The following GRAMD1C variants were observed in gnomAD, a reference collection of about 807,000 sequenced individuals.
GRAMD1C encodes the protein GRAM domain containing 1C, also known as protein Aster-C.
In GRAMD1C, 89 loss-of-function variants were observed where a neutral mutation model predicts 97.8. The ratio of observed to expected loss-of-function variants is 0.91; its 90% CI spans 0.77 to 1.09. The LOEUF (loss-of-function observed/expected upper bound fraction) is 1.09, where lower values mean the gene tolerates loss of function less well. GRAMD1C is among the 50% of genes least tolerant of loss of function. GRAMD1C has a pLI of 0.00. For missense variants in GRAMD1C, 740 were observed against 766.4 expected, an observed-to-expected ratio of 0.97 and a Z score of 0.41; for synonymous variants, 256 against 267.0, an observed-to-expected ratio of 0.96 and a Z score of 0.40.
At chr3:113,921,768 GTGTC>G (rs1937065403) in intron 10 of GRAMD1C, among the ~76,000 whole-genome samples, 1 of 152,134 alleles carries the variant, frequency 6.6e-6, no homozygotes, top group South Asian at 2.1e-4. Context: ...CTTTTGAAAA[GTGTC>G]TGTTTATATC....
intron 6 of GRAMD1C, chr3:113,897,865 G>A: frequency 4.9e-6 from 2 of 406,010 alleles, no homozygotes; most frequent in Non-Finnish European, 6.7e-6. Context: ...GACTACTAAG[G>A]TAGATTATTT....
chr3:113,857,226 G>A lies in GRAMD1C; in HGVS notation c.175-12281G>A, dbSNP rs367705739. 5.9e-5 allele frequency among the ~76,000 whole-genome samples: 9 copies of A among 152,136 alleles called. No individual in the cohort carries two copies. In the South Asian group the frequency reaches 6.2e-4, roughly 11 times the overall value. On this transcript the variant is annotated intron_variant, in intron 2 of 17. Coordinates refer to ENST00000358160, the MANE Select transcript of GRAMD1C (RefSeq NM_017577.5). ...AGTTGCACTGGCTGAAACTTCCAAC[G>A]CTATGTTGAATAAGAACGGTGAGAG...
intron 17 of GRAMD1C, among the ~76,000 whole-genome samples, chr3:113,942,277 T>A (rs1405476927): frequency 1.3e-5 from 2 of 152,126 alleles, no homozygotes; most frequent in Non-Finnish European, 2.9e-5. Flanking sequence ...TTACTGATAG[T>A]TAACATTTTT....
chr3:113,841,285 C>CT lies in GRAMD1C; in HGVS notation c.27+2365dup, dbSNP rs772233296. On this transcript the variant is annotated intron_variant, in intron 1 of 17. Transcript: ENST00000358160. Reference sequence around the variant, plus strand: ...TCACAAAGTACTTCTTTCTTTCTTTCTTTTTTTTTTTTTTTTGCGAGACAG... The same window carrying CT: ...TCACAAAGTACTTCTTTCTTTCTTTCTTTTTTTTTTTTTTTTTGCGAGACAG... Among the ~76,000 whole-genome samples the CT allele has an allele frequency of 1.8e-4, 17 of 94,342 alleles. 2 individuals carry two copies. Among genetic ancestry groups the CT allele is most frequent in the African/African-American group, 5.4e-4 (14 of 25,866 alleles). 61.9% of individuals were successfully genotyped at this position (94,342 alleles called of 152,430 possible). A position where few individuals can be genotyped will look rare whatever the true frequency, so the allele number is the denominator to read the frequency against.
intron 1 of GRAMD1C, among the ~76,000 whole-genome samples, chr3:113,839,842 C>T (rs1709732258): frequency 1.3e-5 from 2 of 152,128 alleles, no homozygotes; most frequent in African/African-American, 4.8e-5. Flanking sequence ...ATTGACTTTG[C>T]TAAGGACCAC....
At chr3:113,920,332 C>T in intron 10 of GRAMD1C, 1 of 369,668 alleles carries the variant, frequency 2.7e-6, no homozygotes, top group Middle Eastern at 6.9e-4. Flanking sequence ...CTTCCTTTAT[C>T]TTACAGTGCT....
chr3:113,891,270 G>A (rs912214209), intron 6 of GRAMD1C, among the ~76,000 whole-genome samples: 9 of 152,130 alleles, frequency 5.9e-5, no homozygotes, highest in African/African-American at 2.2e-4. Flanking sequence ...GGAATTTTAA[G>A]CACTGTAGAA....
chr3:113,847,229 C>T (rs1933651082), intron 2 of GRAMD1C, among the ~76,000 whole-genome samples: 1 of 152,134 alleles, frequency 6.6e-6, no homozygotes, highest in African/African-American at 2.4e-5. Context: ...TTACTGATAT[C>T]TCTTATTCTC....
At chr3:113,893,055 A>T (rs1935799404) in intron 6 of GRAMD1C, among the ~76,000 whole-genome samples, 1 of 152,182 alleles carries the variant, frequency 6.6e-6, no homozygotes, top group African/African-American at 2.4e-5. Flanking sequence ...AGCCATGCTC[A>T]TTTGTTTATG....
intron 1 of GRAMD1C, among the ~76,000 whole-genome samples, chr3:113,830,931 C>G (rs941321322): frequency 1.3e-5 from 2 of 152,156 alleles, no homozygotes; most frequent in African/African-American, 4.8e-5. Context: ...CCCATCTCTA[C>G]TAAAAATACA....
chr3:113,859,261 G>C (rs1934275298), intron 2 of GRAMD1C, among the ~76,000 whole-genome samples: 1 of 151,970 alleles, frequency 6.6e-6, no homozygotes, highest in South Asian at 2.1e-4. Flanking sequence ...ATTTTGATAT[G>C]TTACATTAAG....
rs528047529 is a variant in GRAMD1C, at chr3:113,842,855, C to T, written c.28-1648C>T. Among the ~76,000 whole-genome samples the T allele has an allele frequency of 9.2e-4, 139 of 151,606 alleles. 2 individuals are homozygous for T. The highest frequency in any genetic ancestry group is 7.6e-3 in the Admixed American group (115 of 15,196). On this transcript the variant is annotated intron_variant, in intron 1 of 17. Transcript: ENST00000358160. ...GTGCACGCTTGTAATCCCAGCTACT[C>T]GGGAGACTGAGGCAGGAAAATCGCT... is the stretch of plus-strand genomic sequence containing the variant.
At chr3:113,885,661 G>A in intron 6 of GRAMD1C, 2 of 1,519,658 alleles carry the variant, frequency 1.3e-6, no homozygotes, top group Non-Finnish European at 1.8e-6. Flanking sequence ...GAAGTGGTGA[G>A]CCAGTGGTAC....
In GRAMD1C at chr3:113,913,624, A is replaced by G. The variant is rs114151628; in HGVS notation, c.953-2077A>G. Among the ~76,000 whole-genome samples the G allele has an allele frequency of 6.4e-3, 971 of 152,224 alleles. 15 individuals are homozygous for G. The highest frequency in any genetic ancestry group is 0.02 in the Middle Eastern group (6 of 294). ...TTTGGCTTTATAGCAGTAAGAAGGT[A>G]TATGTAACATTCAGACCTCTGTTTG... On this transcript the variant is annotated intron_variant, in intron 9 of 17. Transcript: ENST00000358160.
At chr3:113,916,170 TG>T (rs1936803960) in intron 10 of GRAMD1C, among the ~76,000 whole-genome samples, 1 of 152,208 alleles carries the variant, frequency 6.6e-6, no homozygotes. Flanking sequence ...GAGTGTAAAT[TG>T]GAACAACCAC....
At chr3:113,907,039 T>C (rs1387182368) in intron 8 of GRAMD1C, among the ~76,000 whole-genome samples, 1 of 152,188 alleles carries the variant, frequency 6.6e-6, no homozygotes, top group Admixed American at 6.5e-5. Flanking sequence ...CTCTATGACG[T>C]TGGCACAACA....
At chr3:113,854,835 A>G (rs1934053877) in intron 2 of GRAMD1C, among the ~76,000 whole-genome samples, 1 of 152,246 alleles carries the variant, frequency 6.6e-6, no homozygotes, top group Non-Finnish European at 1.5e-5. Context: ...ATGGAAATTA[A>G]CTAGAATGGT....
chr3:113,845,913 G>GT (rs34307870), intron 2 of GRAMD1C, among the ~76,000 whole-genome samples: 70,739 of 151,712 alleles, frequency 0.47, 16,697 homozygotes, highest in African/African-American at 0.51. Context: ...TGACTAAAAC[G>GT]TTTGATTTCC....
At chr3:113,924,969 A>G (rs544817056) in intron 10 of GRAMD1C, among the ~76,000 whole-genome samples, 142 of 152,326 alleles carry the variant, frequency 9.3e-4, no homozygotes, top group Non-Finnish European at 1.3e-3. Context: ...GATTGCATAT[A>G]TACTTGGGAT....
Sources: gnomAD v4.1 joint callset for allele counts (sites outside exome capture counted in the v4.1 genomes callset) on GRCh38, gnomAD v4.1.1 for gene constraint, MANE v1.5 for transcripts, NCBI Gene and HGNC (gene_info 2026-07-23, HGNC 2026-07-21) for gene names.